The following CYP2C19 variants were observed in gnomAD, a reference collection of about 807,000 sequenced individuals.
CYP2C19 encodes cytochrome P450 2C19.
Under a neutral mutation model 40.9 loss-of-function variants are expected in CYP2C19, and 59 were observed. The ratio of observed to expected loss-of-function variants is 1.44; its 90% CI spans 1.17 to 1.79. CYP2C19 has a LOEUF of 1.79. Ranked by LOEUF, CYP2C19 falls within the 40% of genes most tolerant of loss-of-function variation. CYP2C19 has a pLI of 0.00. For synonymous variants in CYP2C19, 253 were observed against 208.7 expected (o/e 1.21, Z -1.83); for missense variants, 754 against 596.9 (o/e 1.26, Z -2.74).
intron 3 of CYP2C19, among the ~76,000 whole-genome samples, chr10:94,776,767 T>A (rs969066528): frequency 2.0e-5 from 3 of 152,062 alleles, no homozygotes; most frequent in African/African-American, 7.2e-5. Flanking sequence ...CTCTCACCAC[T>A]CCTATTCAAC....
intron 5 of CYP2C19, among the ~76,000 whole-genome samples, chr10:94,795,258 G>T (rs540921693): frequency 4.7e-5 from 7 of 149,570 alleles, no homozygotes; most frequent in South Asian, 4.2e-4. Flanking sequence ...ACGGTGTTTG[G>T]TTTTTTCTCC....
rs889624427 is a variant in CYP2C19, at chr10:94,784,911, A to G, written c.819+2914A>G. Among the ~76,000 whole-genome samples, 12 of 152,188 alleles carry G rather than the reference A, an allele frequency of 7.9e-5. No homozygotes were observed. In the South Asian group the frequency reaches 1.2e-3, roughly 16 times the overall value. ...AGCTCTCATTGTGGTTTTAACTTGT[A>G]TTTAATGACCAGTGATTTTGAACTT... is the stretch of plus-strand genomic sequence containing the variant. On this transcript the variant is annotated intron_variant, in intron 5 of 8. Transcript: ENST00000371321.
intron 5 of CYP2C19, among the ~76,000 whole-genome samples, chr10:94,813,633 C>G (rs536750876): frequency 6.7e-6 from 1 of 149,626 alleles, no homozygotes; most frequent in Non-Finnish European, 1.5e-5. Context: ...CCCCTCAACA[C>G]CCCCCCCAAG....
chr10:94,778,561 T>C (rs1848440848), intron 3 of CYP2C19, among the ~76,000 whole-genome samples: 2 of 152,106 alleles, frequency 1.3e-5, no homozygotes, highest in Admixed American at 1.3e-4. Context: ...AAAACCACAA[T>C]GAGGTAAAAT....
intron 7 of CYP2C19, among the ~76,000 whole-genome samples, chr10:94,849,003 T>A (rs774582372): frequency 2.2e-4 from 33 of 152,206 alleles, no homozygotes; most frequent in Non-Finnish European, 3.5e-4. Context: ...TGTCTAGATG[T>A]ACAATCATGT....
chr10:94,788,334 T>G (rs1370522651), intron 5 of CYP2C19, among the ~76,000 whole-genome samples: 1 of 152,090 alleles, frequency 6.6e-6, no homozygotes, highest in Non-Finnish European at 1.5e-5. Flanking sequence ...AGATGGAGCT[T>G]CTATATCTAC....
chr10:94,824,136 T>C (rs887406856), intron 6 of CYP2C19, among the ~76,000 whole-genome samples: 1 of 152,156 alleles, frequency 6.6e-6, no homozygotes, highest in Non-Finnish European at 1.5e-5. Context: ...AAAAATAAAA[T>C]ATAATCATAG....
At chr10:94,824,199 T>A (rs1442741241) in intron 6 of CYP2C19, among the ~76,000 whole-genome samples, 1 of 152,198 alleles carries the variant, frequency 6.6e-6, no homozygotes, top group Non-Finnish European at 1.5e-5. Flanking sequence ...AAGCAATGAA[T>A]ACTGATATCA....
At chr10:94,813,638 C>A (rs556310060) in intron 5 of CYP2C19, among the ~76,000 whole-genome samples, 6 of 152,010 alleles carry the variant, frequency 3.9e-5, no homozygotes, top group South Asian at 2.1e-4. Context: ...CAACACCCCC[C>A]CCAAGCTCGA....
intron 5 of CYP2C19, among the ~76,000 whole-genome samples, chr10:94,813,560 C>T (rs1033953249): frequency 7.9e-5 from 12 of 152,052 alleles, no homozygotes; most frequent in East Asian, 3.9e-4. Context: ...TCCTAGCTTC[C>T]TGGAGGCTTT....
intron 5 of CYP2C19, among the ~76,000 whole-genome samples, chr10:94,810,471 T>C (rs1848903356): frequency 6.6e-6 from 1 of 152,182 alleles, no homozygotes. Flanking sequence ...TACCAGCTCC[T>C]CTTTGTACCT....
intron 5 of CYP2C19, among the ~76,000 whole-genome samples, chr10:94,801,231 G>C (rs76331730): frequency 6.6e-6 from 1 of 152,310 alleles, no homozygotes; most frequent in East Asian, 1.9e-4. Context: ...TGGACATTTA[G>C]CGGTATCAAT....
chr10:94,808,732 C>CA (rs1341538662), intron 5 of CYP2C19, among the ~76,000 whole-genome samples: 1 of 152,034 alleles, frequency 6.6e-6, no homozygotes. Context: ...TAATAATCTC[C>CA]AATTCTATCT....
In CYP2C19 at chr10:94,775,544, G is replaced by C. The variant is rs766957203; in HGVS notation, c.481+5G>C. On this transcript the variant is annotated splice_donor_5th_base_variant and intron_variant, in intron 3 of 8. Coordinates refer to ENST00000371321, the MANE Select transcript of CYP2C19 (RefSeq NM_000769.4). Reference sequence around the variant, plus strand: ...AGGAGTTGAGAAAAACCAAGGGTGGGTGAACATACTCTCTATCACTGACCT... The same window carrying C: ...AGGAGTTGAGAAAAACCAAGGGTGGCTGAACATACTCTCTATCACTGACCT... 2 of 1,613,926 alleles carry C rather than the reference G, an allele frequency of 1.2e-6. No individual in the cohort carries two copies. The highest frequency in any genetic ancestry group is 2.2e-5 in the South Asian group (2 of 91,076).
chr10:94,833,539 C>G (rs191279768), intron 6 of CYP2C19, among the ~76,000 whole-genome samples: 1 of 151,674 alleles, frequency 6.6e-6, no homozygotes, highest in Non-Finnish European at 1.5e-5. Context: ...CATGCTGGTG[C>G]GCTGCACCCA....
intron 5 of CYP2C19, among the ~76,000 whole-genome samples, chr10:94,800,215 A>T (rs1291533115): frequency 1.3e-5 from 2 of 152,112 alleles, no homozygotes; most frequent in Non-Finnish European, 2.9e-5. Flanking sequence ...GTTGATGTTG[A>T]TGCTATTCCT....
At chr10:94,807,811 T>G (rs1848856658) in intron 5 of CYP2C19, among the ~76,000 whole-genome samples, 1 of 152,152 alleles carries the variant, frequency 6.6e-6, no homozygotes, top group South Asian at 2.1e-4. Flanking sequence ...ATGAAAATAT[T>G]GCAAATATTT....
chr10:94,770,495 T>G (rs1033925360), intron 1 of CYP2C19, among the ~76,000 whole-genome samples: 5 of 152,236 alleles, frequency 3.3e-5, no homozygotes, highest in African/African-American at 1.2e-4. Flanking sequence ...CTTTTGGGCC[T>G]GTTCCTCTTG....
At chr10:94,843,114 G>C (rs546762201) in intron 7 of CYP2C19, 90 bp downstream of exon 7, 1 of 1,501,434 alleles carries the variant, frequency 6.7e-7, no homozygotes, top group East Asian at 2.3e-5. Context: ...CACTGGGTGA[G>C]AGAAGTGCAT....
Sources: gnomAD v4.1 joint callset for allele counts (sites outside exome capture counted in the v4.1 genomes callset) on GRCh38, gnomAD v4.1.1 for gene constraint, MANE v1.5 for transcripts, NCBI Gene and HGNC (gene_info 2026-07-23, HGNC 2026-07-21) for gene names.